CDH6: variants seen among roughly 807,000 people sequenced by gnomAD.
CDH6 encodes the protein cadherin-6.
CDH6 carries 31 observed loss-of-function variants against 78.0 expected under a neutral mutation model. The ratio of observed to expected loss-of-function variants is 0.40; its 90% CI spans 0.30 to 0.54. The LOEUF is 0.54. Ranked by LOEUF, CDH6 falls within the 20% of genes least tolerant of loss-of-function variation. The pLI, the probability that CDH6 is intolerant of heterozygous loss-of-function variation, is 0.56. For synonymous variants in CDH6, 376 were observed against 368.8 expected, an observed-to-expected ratio of 1.02 and a Z score of -0.23; for missense variants, 724 against 975.9, an observed-to-expected ratio of 0.74 and a Z score of 3.44.
chr5:31,269,749 C>T (rs1742468970), intron 2 of CDH6, among the ~76,000 whole-genome samples: 1 of 152,168 alleles, frequency 6.6e-6, no homozygotes, highest in South Asian at 2.1e-4. Context: ...TCTTTACAAC[C>T]ACAGCTTTGA....
chr5:31,259,821 C>A (rs1412652780), intron 1 of CDH6, among the ~76,000 whole-genome samples: 1 of 152,158 alleles, frequency 6.6e-6, no homozygotes, highest in East Asian at 1.9e-4. Flanking sequence ...TCTAGGAAAA[C>A]CCCAGTGGAA....
chr5:31,283,784 T>G (rs181456969), intron 2 of CDH6, among the ~76,000 whole-genome samples: 71 of 152,090 alleles, frequency 4.7e-4, no homozygotes, highest in African/African-American at 1.6e-3. Flanking sequence ...ATCCCAGGTT[T>G]TGTCAGAAAA....
intron 1 of CDH6, among the ~76,000 whole-genome samples, chr5:31,227,151 A>G (rs1045462208): frequency 2.0e-5 from 3 of 152,130 alleles, no homozygotes; most frequent in African/African-American, 7.2e-5. Context: ...GAGTGGAGGT[A>G]TCTCCTCACC....
chr5:31,241,430 A>G (rs1741598709), intron 1 of CDH6, among the ~76,000 whole-genome samples: 1 of 152,256 alleles, frequency 6.6e-6, no homozygotes. Flanking sequence ...GCCTGTGGCC[A>G]GGCTCTCGTC....
At chr5:31,199,084 A>G (rs1289121129) in intron 1 of CDH6, among the ~76,000 whole-genome samples, 1 of 152,038 alleles carries the variant, frequency 6.6e-6, no homozygotes, top group Non-Finnish European at 1.5e-5. Flanking sequence ...CCTGCAATCC[A>G]AAGTATACAG....
At position 31,302,958 on chromosome 5, in the gene CDH6, G is replaced by GAAAGAAAGAGA. The variant is rs1561066578; in HGVS notation, c.999+660_999+661insAAAGAAAGAGA. On this transcript the variant is annotated intron_variant, in intron 6 of 11. Coordinates refer to ENST00000265071, the MANE Select transcript of CDH6 (RefSeq NM_004932.4). ...AAGAAAGAAAGAAAGAAAGAAAGAA[G>GAAAGAAAGAGA]GAAAGAAAAGAAAGAAAGAAAGAAA... 3.8e-5 allele frequency among the ~76,000 whole-genome samples: 4 copies of GAAAGAAAGAGA among 106,152 alleles called. No individual in the cohort carries two copies. In the East Asian group the frequency reaches 9.7e-4, roughly 26 times the overall value. The allele number at this position is 106,152 out of a possible 152,430, so 69.6% of individuals were successfully genotyped here. A position where few individuals can be genotyped will look rare whatever the true frequency, so the allele number is the denominator to read the frequency against.
At chr5:31,212,755 T>A (rs1472965081) in intron 1 of CDH6, among the ~76,000 whole-genome samples, 1 of 150,068 alleles carries the variant, frequency 6.7e-6, no homozygotes, top group Non-Finnish European at 1.5e-5. Flanking sequence ...GGTGTTCACA[T>A]GAACGTGCAC....
intron 1 of CDH6, among the ~76,000 whole-genome samples, chr5:31,227,053 G>A (rs1170104614): frequency 4.6e-5 from 7 of 152,050 alleles, no homozygotes; most frequent in Admixed American, 4.6e-4. Context: ...CCACACATCG[G>A]GTTACAGCAG....
intron 8 of CDH6, among the ~76,000 whole-genome samples, chr5:31,313,913 A>G (rs1040338976): frequency 3.9e-5 from 6 of 152,222 alleles, no homozygotes; most frequent in Non-Finnish European, 8.8e-5. Flanking sequence ...CAAAGTCTTT[A>G]CAGAATTAAG....
At chr5:31,198,402 G>A (rs1016642773) in intron 1 of CDH6, among the ~76,000 whole-genome samples, 3 of 152,188 alleles carry the variant, frequency 2.0e-5, no homozygotes, top group African/African-American at 4.8e-5. Context: ...TAAATGGGCA[G>A]CATGGTTTGC....
chr5:31,248,169 A>AG (rs1741809089), intron 1 of CDH6, among the ~76,000 whole-genome samples: 1 of 152,226 alleles, frequency 6.6e-6, no homozygotes, highest in East Asian at 1.9e-4. Context: ...TATTAAAACA[A>AG]GAAAAAGGAC....
In CDH6 at chr5:31,230,451, G is replaced by A. The variant is rs557961137; in HGVS notation, c.-129+36565G>A. Among the ~76,000 whole-genome samples, 12 of 152,152 alleles carry A rather than the reference G, an allele frequency of 7.9e-5. 1 individual carries two copies. The highest frequency in any genetic ancestry group is 2.1e-4 in the South Asian group (1 of 4,824). Reference sequence around the variant, plus strand: ...TATTAAAGTATTTATGTTAAACACCGTTAAAATACACTTCCAGTGTATTTA... The same window carrying A: ...TATTAAAGTATTTATGTTAAACACCATTAAAATACACTTCCAGTGTATTTA... On this transcript the variant is annotated intron_variant, in intron 1 of 11. Transcript: ENST00000265071.
Position 31,272,574 on chromosome 5 carries a change from G to T in CDH6, c.228+4873G>T, listed in dbSNP as rs189795567. Reference sequence around the variant, plus strand: ...TACAGATTAGATTTTGAAGACATAGGCATTCATTAATACAAAGATGAATTT... The same window carrying T: ...TACAGATTAGATTTTGAAGACATAGTCATTCATTAATACAAAGATGAATTT... On this transcript the variant is annotated intron_variant, in intron 2 of 11. Transcript: ENST00000265071. Among the ~76,000 whole-genome samples the T allele has an allele frequency of 3.3e-3, 497 of 152,190 alleles. 4 individuals are homozygous for T. Among genetic ancestry groups the T allele is most frequent in the African/African-American group, 0.012 (478 of 41,524 alleles).
rs538237655 is a variant in CDH6 at position 31,201,713 on chromosome 5, T to C, written c.-129+7827T>C. 1.6e-4 allele frequency among the ~76,000 whole-genome samples: 25 copies of C among 152,324 alleles called. No homozygotes were observed. In the Middle Eastern group the frequency reaches 0.01, roughly 62 times the overall value. ...GGGACCACTGGTTTAATACAATGACTGACATCATGTTGAGAAATGATTGAC... is the reference window on the plus strand; with the variant it reads ...GGGACCACTGGTTTAATACAATGACCGACATCATGTTGAGAAATGATTGAC... On this transcript the variant is annotated intron_variant, in intron 1 of 11. Coordinates refer to ENST00000265071, the MANE Select transcript of CDH6 (RefSeq NM_004932.4).
At chr5:31,311,976 T>C (rs1738170617) in intron 7 of CDH6, among the ~76,000 whole-genome samples, 1 of 152,222 alleles carries the variant, frequency 6.6e-6, no homozygotes, top group Non-Finnish European at 1.5e-5. Context: ...AGTATTAGGG[T>C]TGGAATGTTT....
At chr5:31,270,553 T>TTTATAAATA (rs1378377671) in intron 2 of CDH6, among the ~76,000 whole-genome samples, 2 of 152,194 alleles carry the variant, frequency 1.3e-5, no homozygotes, top group Non-Finnish European at 2.9e-5. Flanking sequence ...AAAACCCAGC[T>TTTATAAATA]TTATAAATAT....
chr5:31,323,352 A>C lies in CDH6; in HGVS notation c.*44A>C. ...TTCCAATACGACACTGAAATATGTG[A>C]AGTGGCTATTTCTTTATATTTATCC... On this transcript the variant is annotated 3_prime_UTR_variant, in exon 12 of 12. Coordinates refer to ENST00000265071, the MANE Select transcript of CDH6 (RefSeq NM_004932.4). 5 of 1,573,346 alleles carry C rather than the reference A, an allele frequency of 3.2e-6. No individual in the cohort carries two copies. The highest frequency in any genetic ancestry group is 4.3e-6 in the Non-Finnish European group (5 of 1,156,656).
intron 1 of CDH6, among the ~76,000 whole-genome samples, chr5:31,254,102 A>G (rs1741985744): frequency 6.6e-6 from 1 of 152,074 alleles, no homozygotes; most frequent in South Asian, 2.1e-4. Flanking sequence ...TGGATTGTGA[A>G]TTTTCCTTTT....
chr5:31,314,144 G>T (rs893171460), intron 8 of CDH6, among the ~76,000 whole-genome samples: 1 of 152,096 alleles, frequency 6.6e-6, no homozygotes, highest in Non-Finnish European at 1.5e-5. Flanking sequence ...AGTGAAAAAT[G>T]ATCTTTTTTT....
Sources: gnomAD v4.1 joint callset for allele counts (sites outside exome capture counted in the v4.1 genomes callset) on GRCh38, gnomAD v4.1.1 for gene constraint, MANE v1.5 for transcripts, NCBI Gene and HGNC (gene_info 2026-07-23, HGNC 2026-07-21) for gene names.